GALNT9: variants seen among roughly 807,000 people sequenced by gnomAD.
GALNT9 encodes GalNAc transferase 9.
Under a neutral mutation model 63.1 loss-of-function variants are expected in GALNT9, and 47 were observed. The observed-to-expected ratio is 0.75, with a 90% confidence interval of 0.59 to 0.95. The LOEUF (loss-of-function observed/expected upper bound fraction) is 0.95, where lower values mean the gene tolerates loss of function less well. GALNT9 is among the 40% of genes least tolerant of loss of function. GALNT9 has a pLI of 0.00. For synonymous variants in GALNT9, 396 were observed against 365.7 expected (o/e 1.08, Z -0.94); for missense variants, 829 against 874.8 (o/e 0.95, Z 0.66).
At chr12:132,259,244 G>A (rs1300292279) in intron 4 of GALNT9, among the ~76,000 whole-genome samples, 1 of 152,206 alleles carries the variant, frequency 6.6e-6, no homozygotes, top group Non-Finnish European at 1.5e-5. Flanking sequence ...AATTAAATTT[G>A]GACCGGTTTA....
intron 2 of GALNT9, chr12:132,273,544 C>T (rs1419566469): frequency 1.3e-5 from 2 of 152,742 alleles, no homozygotes; most frequent in African/African-American, 4.8e-5. Flanking sequence ...GCCCTGGCCC[C>T]TGGCCCTGTG....
At chr12:132,197,680 T>C in intron 10 of GALNT9, 112 bp downstream of exon 10, 1 of 810,684 alleles carries the variant, frequency 1.2e-6, no homozygotes, top group East Asian at 2.7e-5. Flanking sequence ...GACCACCCCC[T>C]GCCGCACTCC....
At chr12:132,222,807 C>G (rs1006608754) in intron 6 of GALNT9, among the ~76,000 whole-genome samples, 1 of 151,522 alleles carries the variant, frequency 6.6e-6, no homozygotes, top group South Asian at 2.1e-4. Flanking sequence ...ACGCACCCCC[C>G]GCCACACACC....
chr12:132,324,657 C>T (rs1432661999), intron 1 of GALNT9, among the ~76,000 whole-genome samples: 1 of 152,050 alleles, frequency 6.6e-6, no homozygotes, highest in Non-Finnish European at 1.5e-5. Flanking sequence ...CAGGGAGACA[C>T]CCTCCCATCT....
chr12:132,257,853 G>A lies in GALNT9; in HGVS notation c.795C>T (p.Asp265=), dbSNP rs782416488. 7 of 1,548,320 alleles carry A rather than the reference G, an allele frequency of 4.5e-6. No individual in the cohort carries two copies. The highest frequency in any genetic ancestry group is 6.1e-6 in the Non-Finnish European group (7 of 1,146,442). ...AEPALSRIRE[D]RRRIVLPAID... ...TGGCTGGCAGCACGATGCGACGCCGGTCCTCTCGGATCCGCGACAGTGCGG... is the reference window on the plus strand; with the variant it reads ...TGGCTGGCAGCACGATGCGACGCCGATCCTCTCGGATCCGCGACAGTGCGG... Residue 265 remains aspartate, a synonymous_variant, in exon 5 of 11, where the codon GAC becomes GAT. Transcript: ENST00000328957.
intron 1 of GALNT9, among the ~76,000 whole-genome samples, chr12:132,307,608 T>TG (rs1881660828): frequency 7.0e-6 from 1 of 142,960 alleles, no homozygotes; most frequent in Non-Finnish European, 1.5e-5. Flanking sequence ...CCAAGGCGGG[T>TG]GGATCACCAG....
rs1158518979 is a variant in GALNT9, at chr12:132,315,137, C to T, written c.238+13829G>A. ...GGTGGGGCCGGGCTCTGAGTCCAGG[C>T]GGCCCAGCGCTCTAGCCACATTTTA... On this transcript the variant is annotated intron_variant, in intron 1 of 10. Coordinates refer to ENST00000328957, the MANE Select transcript of GALNT9 (RefSeq NM_001122636.2). The surrounding 1 kb of genome is among the most constrained non-coding windows in gnomAD (Gnocchi z 6.1). Among the ~76,000 whole-genome samples the T allele has an allele frequency of 1.3e-5, 2 of 152,182 alleles. No homozygotes were observed. The highest frequency in any genetic ancestry group is 2.4e-5 in the African/African-American group (1 of 41,434).
intron 2 of GALNT9, chr12:132,277,428 C>G (rs938775211): frequency 6.5e-6 from 1 of 154,938 alleles, no homozygotes; most frequent in African/African-American, 2.4e-5. Context: ...CGGCCTCCAG[C>G]GTGTGGCTTC....
intron 6 of GALNT9, among the ~76,000 whole-genome samples, chr12:132,229,317 C>T (rs1027241481): frequency 3.2e-4 from 48 of 152,352 alleles, no homozygotes; most frequent in African/African-American, 9.1e-4. Context: ...ACGAGGCGCA[C>T]GCTTTGTCTG....
intron 1 of GALNT9, among the ~76,000 whole-genome samples, chr12:132,305,321 A>G (rs1175467905): frequency 4.0e-3 from 82 of 20,722 alleles, no homozygotes; most frequent in East Asian, 0.024. Flanking sequence ...CCTCACCCAG[A>G]CACGCCCTCA....
At chr12:132,306,863 ATT>A (rs1187765863) in intron 1 of GALNT9, among the ~76,000 whole-genome samples, 2 of 152,182 alleles carry the variant, frequency 1.3e-5, no homozygotes, top group African/African-American at 4.8e-5. Context: ...CGGAATCGTC[ATT>A]TGAAGTTCCT....
chr12:132,225,300 C>CACA (rs1877608423), intron 6 of GALNT9, among the ~76,000 whole-genome samples: 1 of 133,044 alleles, frequency 7.5e-6, no homozygotes, highest in African/African-American at 2.9e-5. Context: ...ATACACACCA[C>CACA]CCCCACACAA....
At chr12:132,326,228 T>G (rs1236072133) in intron 1 of GALNT9, among the ~76,000 whole-genome samples, 1 of 152,272 alleles carries the variant, frequency 6.6e-6, no homozygotes, top group Non-Finnish European at 1.5e-5. Context: ...TTAGCGTTTA[T>G]GAGACTTACT....
At position 132,302,167 on chromosome 12, in the gene GALNT9, T is replaced by C. The variant is rs115340723; in HGVS notation, c.239-15737A>G. Among the ~76,000 whole-genome samples, 1,429 of 151,970 alleles carry C rather than the reference T, an allele frequency of 9.4e-3. 14 individuals are homozygous for C. Among genetic ancestry groups the C allele is most frequent in the African/African-American group, 0.033 (1,350 of 41,394 alleles). On this transcript the variant is annotated intron_variant, in intron 1 of 10. Transcript: ENST00000328957. Reference sequence around the variant, plus strand: ...TGCCAGCAATATATGCTTCCACTACTTTAATTAGAAAGTGCATCACTTCTG... The same window carrying C: ...TGCCAGCAATATATGCTTCCACTACCTTAATTAGAAAGTGCATCACTTCTG...
chr12:132,243,388 C>T lies in GALNT9; in HGVS notation c.1077+4522G>A, dbSNP rs181094702. Among the ~76,000 whole-genome samples the T allele has an allele frequency of 8.5e-3, 1,284 of 151,218 alleles. 28 individuals carry two copies. The highest frequency in any genetic ancestry group is 0.027 in the South Asian group (129 of 4,764). On this transcript the variant is annotated intron_variant, in intron 6 of 10. Coordinates refer to ENST00000328957, the MANE Select transcript of GALNT9 (RefSeq NM_001122636.2). ...TCAGTGTCCAGTCCTCCCCGTCCTCCGGAGCTCTCTCTGGTGGGGGCCCCA... is the reference window on the plus strand; with the variant it reads ...TCAGTGTCCAGTCCTCCCCGTCCTCTGGAGCTCTCTCTGGTGGGGGCCCCA...
At chr12:132,257,626 G>A (rs1407024229) in intron 5 of GALNT9, 63 bp downstream of exon 5, 26 of 1,297,750 alleles carry the variant, frequency 2.0e-5, no homozygotes, top group Middle Eastern at 3.8e-4. Flanking sequence ...CCCCACGCCC[G>A]CCTCGCTCTG....
intron 1 of GALNT9, among the ~76,000 whole-genome samples, chr12:132,317,963 G>C (rs966383648): frequency 7.2e-5 from 11 of 152,222 alleles, no homozygotes; most frequent in African/African-American, 2.7e-4. Flanking sequence ...AAACACTGAT[G>C]GGCACACTGG....
intron 6 of GALNT9, chr12:132,247,644 ATGG>A: frequency 1.8e-6 from 1 of 544,796 alleles, no homozygotes; most frequent in African/African-American, 2.4e-5. Flanking sequence ...CCCAGACGCC[ATGG>A]CCGCACTCGC....
chr12:132,247,033 A>G (rs374414728), intron 6 of GALNT9, among the ~76,000 whole-genome samples: 7 of 152,252 alleles, frequency 4.6e-5, no homozygotes, highest in African/African-American at 1.7e-4. Context: ...CTGTGAATAG[A>G]AGCCCCATGG....
Sources: allele counts gnomAD v4.1 joint callset (sites outside exome capture counted in the v4.1 genomes callset), GRCh38; gene constraint gnomAD v4.1.1; non-coding constraint Gnocchi (gnomAD v3.1); transcripts MANE v1.5; gene names NCBI Gene and HGNC (gene_info 2026-07-23, HGNC 2026-07-21).